Variants in GRB10 observed in about 807,000 individuals in gnomAD.
GRB10 encodes the protein growth factor receptor bound protein 10.
A neutral mutation model predicts 80.9 loss-of-function variants in GRB10; 20 were observed. The observed-to-expected ratio is 0.25, with a 90% confidence interval of 0.17 to 0.36. The LOEUF is 0.36. Among genes scored for constraint, GRB10 ranks in the 10% least tolerant of loss-of-function variants. GRB10 has a pLI of 1.00. For missense variants in GRB10, 548 were observed against 747.7 expected, an observed-to-expected ratio of 0.73 and a Z score of 3.12; for synonymous variants, 291 against 291.5, an observed-to-expected ratio of 1.00 and a Z score of 0.02.
rs1477454714 is a variant in GRB10, at chr7:50,604,362, T to G, written c.1405A>C (p.Met469Leu). The G allele has an allele frequency of 1.9e-6, 3 of 1,613,088 alleles. No individual in the cohort carries two copies. Among genetic ancestry groups the G allele is most frequent in the South Asian group, 1.1e-5 (1 of 91,042 alleles). The change falls in exon 16 of 19, where the codon ATG becomes CTG. Residue 469 changes from methionine to leucine, a missense_variant. By Grantham distance (15) the Met-to-Leu change is conservative. Around this residue, in one of 4 missense-constraint regions of GRB10, gnomAD observed 270 missense variants for 433.6 expected, o/e 0.62. Coordinates refer to ENST00000401949, the MANE Select transcript of GRB10 (RefSeq NM_001350814.2). ...GGACTTTGGCTACCTAGGATGTTCATCCGTGTGCTTCGCTTCTGCAAAAGA... is the reference window on the plus strand; with the variant it reads ...GGACTTTGGCTACCTAGGATGTTCAGCCGTGTGCTTCGCTTCTGCAAAAGA... Reference protein sequence around the residue: ...GHAWRKRSTRMNILGSQSPLH... With the variant: ...GHAWRKRSTRLNILGSQSPLH...
intron 3 of GRB10, among the ~76,000 whole-genome samples, chr7:50,733,394 C>G (rs1341407004): frequency 1.3e-5 from 2 of 152,116 alleles, no homozygotes; most frequent in African/African-American, 4.8e-5. Flanking sequence ...AACACAGACC[C>G]AAAATATAAA....
chr7:50,644,480 C>T (rs979731159), intron 7 of GRB10, among the ~76,000 whole-genome samples: 4 of 152,194 alleles, frequency 2.6e-5, no homozygotes, highest in Admixed American at 2.0e-4. Context: ...GAAACGCATG[C>T]AGTATCATCA....
intron 5 of GRB10, among the ~76,000 whole-genome samples, chr7:50,679,007 A>T (rs2061273127): frequency 6.6e-6 from 1 of 152,250 alleles, no homozygotes; most frequent in South Asian, 2.1e-4. Flanking sequence ...GTGAAAGGTG[A>T]AGAAAAAAAT....
At chr7:50,762,651 A>G (rs1364857387) in intron 2 of GRB10, among the ~76,000 whole-genome samples, 1 of 152,234 alleles carries the variant, frequency 6.6e-6, no homozygotes, top group Non-Finnish European at 1.5e-5. Context: ...CTCACCTTCC[A>G]TATGTGCCTT....
chr7:50,709,044 G>T (rs1400359828), intron 4 of GRB10, among the ~76,000 whole-genome samples: 1 of 152,150 alleles, frequency 6.6e-6, no homozygotes, highest in Admixed American at 6.5e-5. Flanking sequence ...GAAAGGATGG[G>T]AGAGGGCAGC....
intron 14 of GRB10, 91 bp from the exon 15 acceptor site, chr7:50,605,497 G>T: frequency 1.9e-6 from 2 of 1,070,154 alleles, no homozygotes; most frequent in Non-Finnish European, 1.5e-6. Flanking sequence ...GGTCAGGAAA[G>T]GGGAGCAGGG....
At chr7:50,681,785 C>CG (rs201260875) in intron 5 of GRB10, among the ~76,000 whole-genome samples, 2,145 of 152,302 alleles carry the variant, frequency 0.014, 33 homozygotes, top group Middle Eastern at 0.051. Context: ...TCACGTTTCA[C>CG]GGGGGCTGCA....
intron 7 of GRB10, among the ~76,000 whole-genome samples, chr7:50,644,791 T>A (rs2056896614): frequency 6.6e-6 from 1 of 152,204 alleles, no homozygotes; most frequent in Non-Finnish European, 1.5e-5. Context: ...CTGTCCTGTC[T>A]GCTAAGGCCC....
At chr7:50,763,118 CAAA>C (rs200821473) in intron 2 of GRB10, among the ~76,000 whole-genome samples, 2 of 102,468 alleles carry the variant, frequency 2.0e-5, no homozygotes, top group African/African-American at 3.5e-5. Flanking sequence ...ACTCCGTCTC[CAAA>C]AAAAAAAAAA....
At chr7:50,610,849 G>A (rs187127738) in intron 13 of GRB10, among the ~76,000 whole-genome samples, 1 of 152,270 alleles carries the variant, frequency 6.6e-6, no homozygotes, top group East Asian at 1.9e-4. Context: ...ATCCTTTCCT[G>A]TGGCTCGTTA....
chr7:50,710,757 C>G lies in GRB10; in HGVS notation c.52-6849G>C. The G allele has an allele frequency of 3.6e-6, 4 of 1,120,790 alleles. No homozygotes were observed. In the South Asian group the frequency reaches 5.0e-5, roughly 14 times the overall value. 69.4% of individuals were successfully genotyped at this position (1,120,790 alleles called of 1,614,324 possible). On this transcript the variant is annotated intron_variant, in intron 4 of 18. Transcript: ENST00000401949. ...CACCTTCGGGGTATCTCCACACCTT[C>G]CTGAGGCAGAACGACCACTTCATAG...
Position 50,766,738 on chromosome 7 carries a change from C to A in GRB10, c.-216-10682G>T, listed in dbSNP as rs952769688. ...CAAACAGCCAGTTATCAACATTAGCCCATCACCAGCACACACACCAGAGCC... is the reference window on the plus strand; with the variant it reads ...CAAACAGCCAGTTATCAACATTAGCACATCACCAGCACACACACCAGAGCC... On this transcript the variant is annotated intron_variant, in intron 2 of 18. Coordinates refer to ENST00000401949, the MANE Select transcript of GRB10 (RefSeq NM_001350814.2). Among the ~76,000 whole-genome samples, 3 of 152,178 alleles carry A rather than the reference C, an allele frequency of 2.0e-5. No homozygotes were observed. In the South Asian group the frequency reaches 6.2e-4, roughly 32 times the overall value.
chr7:50,608,640 T>C (rs1357335974), intron 13 of GRB10, among the ~76,000 whole-genome samples: 2 of 152,200 alleles, frequency 1.3e-5, no homozygotes, highest in Admixed American at 1.3e-4. Context: ...TCAGTAAATG[T>C]ACTACATTAT....
chr7:50,720,394 A>G (rs999551194), intron 4 of GRB10, among the ~76,000 whole-genome samples: 3 of 152,324 alleles, frequency 2.0e-5, no homozygotes, highest in Non-Finnish European at 4.4e-5. Context: ...TATTGACTGC[A>G]TGATGAAAAC....
chr7:50,690,384 A>G (rs965489179), intron 5 of GRB10, among the ~76,000 whole-genome samples: 20 of 152,232 alleles, frequency 1.3e-4, no homozygotes, highest in Non-Finnish European at 2.4e-4. Flanking sequence ...GTGGAAAAAT[A>G]TAATACAGAC....
At chr7:50,606,911 TGTCATGTCGTGAC>T in intron 13 of GRB10, 46 of 175,462 alleles carry the variant, frequency 2.6e-4, no homozygotes, top group South Asian at 1.0e-3. Flanking sequence ...AAGTTTTTCT[TGTCATGTCGTGAC>T]TTTTCTCTGT....
intron 2 of GRB10, among the ~76,000 whole-genome samples, chr7:50,776,807 A>G (rs2077701691): frequency 6.6e-6 from 1 of 152,192 alleles, no homozygotes; most frequent in Non-Finnish European, 1.5e-5. Flanking sequence ...TTTACTGTCT[A>G]TAATACTACC....
At chr7:50,728,379 G>C (rs1587571143) in intron 4 of GRB10, among the ~76,000 whole-genome samples, 1 of 151,972 alleles carries the variant, frequency 6.6e-6, no homozygotes, top group Non-Finnish European at 1.5e-5. Context: ...GCTCCTCCAC[G>C]CACTGCCAAA....
At position 50,738,786 on chromosome 7, in the gene GRB10, AAAGAC is replaced by A. The variant is rs138830839; in HGVS notation, c.-46-6423_-46-6419del. Among the ~76,000 whole-genome samples the A allele has an allele frequency of 9.7e-3, 1,474 of 152,324 alleles. 23 individuals carry two copies. The highest frequency in any genetic ancestry group is 0.033 in the African/African-American group (1,375 of 41,574). ...TAGCAGCTTTCTGTCTATAATAACT[AAAGAC>A]TTTCTCATTAACCGTTGTCAGATGA... On this transcript the variant is annotated intron_variant, in intron 3 of 18. Transcript: ENST00000401949.
Sources: gnomAD v4.1 joint callset for allele counts (sites outside exome capture counted in the v4.1 genomes callset) on GRCh38, gnomAD v4.1.1 for gene constraint, gnomAD v4.1.1 regional missense constraint, MANE v1.5 for transcripts, NCBI Gene and HGNC (gene_info 2026-07-23, HGNC 2026-07-21) for gene names.